Variants in SMG1 observed in about 807,000 individuals in gnomAD.
SMG1 encodes the protein SMG1 nonsense mediated mRNA decay associated PI3K related kinase.
In SMG1, 22 loss-of-function variants were observed where a neutral mutation model predicts 419.9. The ratio of observed to expected loss-of-function variants is 0.05; its 90% confidence interval spans 0.04 to 0.07. The LOEUF (loss-of-function observed/expected upper bound fraction) is 0.07, where lower values mean the gene tolerates loss of function less well. Among genes scored for constraint, SMG1 ranks in the 10% least tolerant of loss-of-function variants. The pLI, the probability that SMG1 is intolerant of heterozygous loss-of-function variation, is 1.00. For synonymous variants in SMG1, 1,538 were observed against 1,553.5 expected (o/e 0.99, Z 0.23); for missense variants, 3,185 against 4,342.0 (o/e 0.73, Z 7.49).
At chr16:18,873,135 C>A (rs1400107353) in intron 13 of SMG1, among the ~76,000 whole-genome samples, 2 of 152,068 alleles carry the variant, frequency 1.3e-5, no homozygotes, top group East Asian at 3.9e-4. Context: ...GCCTAGATGA[C>A]AAAGTTAAGA....
chr16:18,849,069 C>CAA (rs58373081), intron 36 of SMG1, 148 bp downstream of exon 36: 27 of 114,052 alleles, frequency 2.4e-4, no homozygotes, highest in African/African-American at 6.1e-4. Context: ...GACTCCATCT[C>CAA]AAAAAAAAAA....
intron 10 of SMG1, among the ~76,000 whole-genome samples, chr16:18,880,302 A>T (rs1469621141): frequency 1.3e-5 from 2 of 152,242 alleles, no homozygotes; most frequent in African/African-American, 4.8e-5. Flanking sequence ...ATAATTGTGT[A>T]CTAAATTTCT....
chr16:18,863,996 G>A lies in SMG1; in HGVS notation c.3493+6C>T, dbSNP rs374818903. On this transcript the variant is annotated splice_donor_region_variant and intron_variant, in intron 24 of 62. Transcript: ENST00000446231. ...TTTGCTTTATTTAAAAATACTGAAC[G>A]CTCACCATTCAGAGAATGTTTCGGG... 58 of 1,549,392 alleles carry A rather than the reference G, an allele frequency of 3.7e-5. No homozygotes were observed. Among genetic ancestry groups the A allele is most frequent in the African/African-American group, 1.2e-4 (9 of 72,844 alleles).
rs778721259 is a variant in SMG1, at chr16:18,829,540, T to C, written c.9349A>G (p.Ile3117Val). ...TCCTTTGCCTCTACTTGAGCAATGA[T>C]GTCTACACCCAGAGCACTGATAAAA... Reference protein sequence around the residue: ...CSFISALGVDIIAQVEAKDFG... With the variant: ...CSFISALGVDVIAQVEAKDFG... Residue 3117 changes from isoleucine to valine, a missense_variant, in exon 54 of 63, where the codon ATC becomes GTC. Physicochemically the swap from Ile to Val is conservative, Grantham distance 29. Coordinates refer to ENST00000446231, the MANE Select transcript of SMG1 (RefSeq NM_015092.5). 13 of 1,613,924 alleles carry C rather than the reference T, an allele frequency of 8.1e-6. No individual in the cohort carries two copies. The highest frequency in any genetic ancestry group is 1.0e-5 in the Non-Finnish European group (12 of 1,179,890).
intron 1 of SMG1, among the ~76,000 whole-genome samples, chr16:18,919,075 C>T (rs1596664455): frequency 6.6e-6 from 1 of 152,284 alleles, no homozygotes; most frequent in East Asian, 1.9e-4. Flanking sequence ...GCCTGTAATC[C>T]CAGCACTTTG....
chr16:18,841,533 G>C (rs769943382), intron 41 of SMG1, 32 bp downstream of exon 41: 2 of 1,570,496 alleles, frequency 1.3e-6, no homozygotes, highest in Non-Finnish European at 1.8e-6. Flanking sequence ...ACAGAGAATA[G>C]ACTAATACAC....
chr16:18,859,301 C>T, intron 27 of SMG1, 120 bp from the exon 28 acceptor site: 1 of 688,560 alleles, frequency 1.5e-6, no homozygotes, highest in East Asian at 2.7e-5. Flanking sequence ...GTAAGAGGAG[C>T]AGCCTGCTCT....
chr16:18,812,180 G>A, intron 60 of SMG1, 53 bp from the exon 61 acceptor site: 1 of 1,557,818 alleles, frequency 6.4e-7, no homozygotes, highest in South Asian at 1.2e-5. Flanking sequence ...ACATGGAGGG[G>A]GCAGAGTGGA....
intron 41 of SMG1, 38 bp downstream of exon 41, chr16:18,841,527 A>G (rs919200868): frequency 4.5e-6 from 7 of 1,566,410 alleles, no homozygotes; most frequent in Non-Finnish European, 5.3e-6. Context: ...ATAATAACAG[A>G]GAATAGACTA....
chr16:18,849,089 A>C (rs1054129143), intron 36 of SMG1, 128 bp downstream of exon 36: 2 of 273,882 alleles, frequency 7.3e-6, no homozygotes, highest in Non-Finnish European at 1.3e-5. Context: ...AAAAAAAAAA[A>C]AAAAAAAAAA....
chr16:18,904,917 A>G (rs1188497561), intron 1 of SMG1, among the ~76,000 whole-genome samples: 1 of 152,006 alleles, frequency 6.6e-6, no homozygotes, highest in Admixed American at 6.6e-5. Flanking sequence ...CCTGGGCAAC[A>G]GAGAGACTCC....
intron 1 of SMG1, among the ~76,000 whole-genome samples, chr16:18,902,136 T>C (rs902422025): frequency 2.5e-4 from 38 of 152,006 alleles, no homozygotes; most frequent in Non-Finnish European, 1.8e-4. Context: ...AGTAAAAACT[T>C]TGGACATAAA....
At chr16:18,861,015 G>C (rs866059551) in intron 25 of SMG1, 5 of 396,114 alleles carry the variant, frequency 1.3e-5, no homozygotes, top group Non-Finnish European at 2.3e-5. Flanking sequence ...ACTTTCAGTG[G>C]AGCTGACTCG....
chr16:18,864,247 G>A (rs2141518149), intron 23 of SMG1, 103 bp from the exon 24 acceptor site: 2 of 1,031,942 alleles, frequency 1.9e-6, no homozygotes, highest in East Asian at 2.7e-5. Context: ...CCAGGCTGGA[G>A]TGCAATGGCA....
rs1596512939 is a variant in SMG1, at chr16:18,847,756, C to G, written c.5841+60G>C. 5.7e-6 allele frequency: 9 copies of G among 1,586,890 alleles called. No homozygotes were observed. The East Asian group carries it at 2.0e-4, about 36-fold the overall frequency. ...ACCAGTGATTGTCAATACAGATTGG[C>G]AAAAGCAATTTTTATTATTCTATAA... On this transcript the variant is annotated intron_variant, in intron 37 of 62. Coordinates refer to ENST00000446231, the MANE Select transcript of SMG1 (RefSeq NM_015092.5).
At chr16:18,816,659 A>G in intron 57 of SMG1, 130 bp from the exon 58 acceptor site, 2 of 672,156 alleles carry the variant, frequency 3.0e-6, no homozygotes, top group East Asian at 2.7e-5. Context: ...TAAGTCATGA[A>G]TTAATTACCT....
At chr16:18,917,251 C>T (rs2038018156) in intron 1 of SMG1, among the ~76,000 whole-genome samples, 1 of 152,040 alleles carries the variant, frequency 6.6e-6, no homozygotes, top group African/African-American at 2.4e-5. Context: ...CTCCCAGGTT[C>T]AAGTGATTCT....
At position 18,847,838 on chromosome 16, in the gene SMG1, G is replaced by A; in HGVS notation, c.5819C>T (p.Ala1940Val). ...TACCTGTAATACCATGGTGGGGTTT[G>A]CAGAGGACAGCTTATCTACAATTTT... ...YSKIVDKLSS[A>V]NPTMVLQVQM... The change falls in exon 37 of 63, where the codon GCA (alanine) becomes GTA (valine). Residue 1940 changes from alanine (A) to valine (V), a missense_variant. By Grantham distance (64) the Ala-to-Val change is moderately conservative. Transcript: ENST00000446231. 6.2e-7 allele frequency: 1 copy of A among 1,613,952 alleles called. No homozygotes were observed. Among genetic ancestry groups the A allele is most frequent in the Non-Finnish European group, 8.5e-7 (1 of 1,179,858 alleles).
intron 1 of SMG1, among the ~76,000 whole-genome samples, chr16:18,920,296 C>T (rs578058214): frequency 1.3e-5 from 2 of 151,146 alleles, no homozygotes; most frequent in Admixed American, 6.6e-5. Flanking sequence ...ACAGGAAAAT[C>T]GCTTGTACCT....
Sources: allele counts gnomAD v4.1 joint callset (sites outside exome capture counted in the v4.1 genomes callset), GRCh38; gene constraint gnomAD v4.1.1; transcripts MANE v1.5; gene names NCBI Gene and HGNC (gene_info 2026-07-23, HGNC 2026-07-21).